The following FCHSD2 variants were observed in gnomAD, a reference collection of about 807,000 sequenced individuals.
FCHSD2 encodes F-BAR and double SH3 domains protein 2.
A neutral mutation model predicts 108.1 loss-of-function variants in FCHSD2; 38 were observed. The observed-to-expected ratio is 0.35, with a 90% CI of 0.27 to 0.46. FCHSD2 has a LOEUF of 0.46. Ranked by LOEUF, FCHSD2 falls within the 20% of genes least tolerant of loss-of-function variation. The pLI, the probability that FCHSD2 is intolerant of heterozygous loss-of-function variation, is 1.00. For synonymous variants in FCHSD2, 279 were observed against 314.7 expected (o/e 0.89, Z 1.20); for missense variants, 751 against 897.8 (o/e 0.84, Z 2.09).
chr11:72,854,503 C>T (rs1031356462), intron 13 of FCHSD2, among the ~76,000 whole-genome samples: 1 of 152,230 alleles, frequency 6.6e-6, no homozygotes, highest in African/African-American at 2.4e-5. Flanking sequence ...GCGATCATAG[C>T]TCATTGCAGC....
Position 72,884,246 on chromosome 11 carries a change from T to TAATG in FCHSD2, c.1146+3220_1146+3223dup, listed in dbSNP as rs556115407. Among the ~76,000 whole-genome samples, 43 of 152,190 alleles carry TAATG rather than the reference T, an allele frequency of 2.8e-4. No homozygotes were observed. In the East Asian group the frequency reaches 7.7e-3, roughly 27 times the overall value. ...TAACTTCCATTTTATACAACACAGT[T>TAATG]AATGGGTCAATCTAACAAACACATA... On this transcript the variant is annotated intron_variant, in intron 12 of 19. Transcript: ENST00000409418.
intron 9 of FCHSD2, among the ~76,000 whole-genome samples, chr11:72,908,134 T>G (rs1030447790): frequency 6.6e-6 from 1 of 152,230 alleles, no homozygotes; most frequent in Non-Finnish European, 1.5e-5. Context: ...CATGTGAAAT[T>G]TGTCTTTCTG....
At chr11:72,915,201 T>C (rs573518260) in intron 9 of FCHSD2, among the ~76,000 whole-genome samples, 2 of 151,758 alleles carry the variant, frequency 1.3e-5, no homozygotes, top group South Asian at 4.2e-4. Context: ...TGAGATACCA[T>C]CTCACACCAA....
At chr11:73,071,446 C>T (rs528322645) in intron 3 of FCHSD2, among the ~76,000 whole-genome samples, 311 of 151,984 alleles carry the variant, frequency 2.0e-3, no homozygotes, top group Non-Finnish European at 3.7e-3. Flanking sequence ...AATCCCAGCA[C>T]CTTGAGAGGT....
At chr11:72,939,884 T>C (rs992726417) in intron 8 of FCHSD2, among the ~76,000 whole-genome samples, 1 of 151,890 alleles carries the variant, frequency 6.6e-6, no homozygotes, top group African/African-American at 2.4e-5. Flanking sequence ...CTCCCAAGTG[T>C]TGGGATTACA....
At chr11:73,099,663 CAGGCGTT>C (rs1224763354) in intron 2 of FCHSD2, among the ~76,000 whole-genome samples, 1 of 152,220 alleles carries the variant, frequency 6.6e-6, no homozygotes, top group Non-Finnish European at 1.5e-5. Context: ...CCTGAGCAGT[CAGGCGTT>C]AGGCTTAGCG....
At chr11:73,115,641 A>G (rs570510605) in intron 2 of FCHSD2, among the ~76,000 whole-genome samples, 1 of 152,328 alleles carries the variant, frequency 6.6e-6, no homozygotes, top group African/African-American at 2.4e-5. Flanking sequence ...AGACATAAAG[A>G]TATTTATTTT....
intron 13 of FCHSD2, among the ~76,000 whole-genome samples, chr11:72,863,564 G>A (rs1256736287): frequency 6.6e-6 from 1 of 152,012 alleles, no homozygotes; most frequent in African/African-American, 2.4e-5. Context: ...AAAAAAATAA[G>A]CCACAGACTA....
intron 5 of FCHSD2, among the ~76,000 whole-genome samples, chr11:72,999,076 C>T (rs111857648): frequency 0.014 from 2,058 of 152,156 alleles, 49 homozygotes; most frequent in African/African-American, 0.045. Context: ...CATTTGAACC[C>T]CTAGATCCAC....
chr11:72,980,708 GTATA>G (rs1165578548), intron 8 of FCHSD2, among the ~76,000 whole-genome samples: 1 of 148,622 alleles, frequency 6.7e-6, no homozygotes, highest in Admixed American at 6.8e-5. Context: ...ATGTATGTAT[GTATA>G]TATATGTATG....
At chr11:72,928,490 C>A (rs1265376411) in intron 8 of FCHSD2, among the ~76,000 whole-genome samples, 1 of 152,184 alleles carries the variant, frequency 6.6e-6, no homozygotes, top group Non-Finnish European at 1.5e-5. Context: ...TCCTTCCCCC[C>A]TTCTCTTCCA....
Position 72,979,146 on chromosome 11 carries a change from C to G in FCHSD2, c.705+4942G>C, listed in dbSNP as rs117054606. On this transcript the variant is annotated intron_variant, in intron 8 of 19. Coordinates refer to ENST00000409418, the MANE Select transcript of FCHSD2 (RefSeq NM_014824.3). ...GTGCTGGGATTATGGGTGTAAGTCACCATGCCCGGCCACAGGTAGTTCTTT... is the reference window on the plus strand; with the variant it reads ...GTGCTGGGATTATGGGTGTAAGTCAGCATGCCCGGCCACAGGTAGTTCTTT... 1.9e-4 allele frequency among the ~76,000 whole-genome samples: 29 copies of G among 152,240 alleles called. 1 individual carries two copies. The East Asian group carries it at 5.6e-3, about 29-fold the overall frequency.
intron 8 of FCHSD2, among the ~76,000 whole-genome samples, chr11:72,958,141 C>T (rs1333927530): frequency 6.6e-6 from 1 of 152,070 alleles, no homozygotes; most frequent in Non-Finnish European, 1.5e-5. Context: ...ATAAGTGTTC[C>T]CACTATTTTA....
At chr11:73,084,886 T>C (rs948446651) in intron 2 of FCHSD2, among the ~76,000 whole-genome samples, 20 of 151,946 alleles carry the variant, frequency 1.3e-4, no homozygotes, top group Non-Finnish European at 2.4e-4. Context: ...GACTTTACCG[T>C]TATGTGCCAG....
chr11:72,867,779 A>C (rs977935590), intron 13 of FCHSD2, 86 bp downstream of exon 13: 1 of 1,158,050 alleles, frequency 8.6e-7, no homozygotes, highest in African/African-American at 1.6e-5. Flanking sequence ...TTTTTAAAAA[A>C]TTTTGGCTAT....
At chr11:73,051,667 G>A (rs1447153661) in intron 3 of FCHSD2, among the ~76,000 whole-genome samples, 3 of 152,146 alleles carry the variant, frequency 2.0e-5, no homozygotes, top group African/African-American at 7.2e-5. Context: ...GAGATGTACT[G>A]GCTATGCAAC....
At chr11:72,843,413 G>A (rs769683409) in intron 15 of FCHSD2, 36 bp downstream of exon 15, 5 of 1,606,938 alleles carry the variant, frequency 3.1e-6, no homozygotes, top group Middle Eastern at 3.3e-4. Flanking sequence ...TCCTAAAAAT[G>A]TCACAAGAAA....
At chr11:72,846,089 T>C (rs1272770375) in intron 14 of FCHSD2, among the ~76,000 whole-genome samples, 8 of 70,618 alleles carry the variant, frequency 1.1e-4, no homozygotes, top group African/African-American at 4.7e-4. Context: ...GATAGATAGA[T>C]AGATAAGTAG....
chr11:72,956,703 TAATC>T (rs1211441566), intron 8 of FCHSD2, among the ~76,000 whole-genome samples: 1 of 152,064 alleles, frequency 6.6e-6, no homozygotes, highest in Non-Finnish European at 1.5e-5. Flanking sequence ...CCTCATGACT[TAATC>T]AAAGACCCCA....
Sources: gnomAD v4.1 joint callset for allele counts (sites outside exome capture counted in the v4.1 genomes callset) on GRCh38, gnomAD v4.1.1 for gene constraint, MANE v1.5 for transcripts, NCBI Gene and HGNC (gene_info 2026-07-23, HGNC 2026-07-21) for gene names.